PACRG: variants seen among roughly 807,000 people sequenced by gnomAD.
PACRG encodes parkin coregulated, also known as parkin coregulated gene protein.
PACRG carries 29 observed loss-of-function variants against 29.7 expected under a neutral mutation model. The ratio of observed to expected loss-of-function variants is 0.98; its 90% CI spans 0.73 to 1.33. PACRG has a LOEUF of 1.33. Ranked by LOEUF, PACRG falls within the 40% of genes most tolerant of loss-of-function variation. PACRG has a pLI of 0.00. For synonymous variants in PACRG, 116 were observed against 118.7 expected, an observed-to-expected ratio of 0.98 and a Z score of 0.15; for missense variants, 279 against 316.2, an observed-to-expected ratio of 0.88 and a Z score of 0.89.
intron 1 of PACRG, among the ~76,000 whole-genome samples, chr6:162,729,309 A>T (rs190023526): frequency 3.4e-4 from 52 of 152,300 alleles, no homozygotes; most frequent in African/African-American, 1.2e-3. Context: ...TTACATGGCA[A>T]TTCATTATGT....
At chr6:163,087,073 C>T (rs1813629614) in intron 3 of PACRG, among the ~76,000 whole-genome samples, 1 of 152,100 alleles carries the variant, frequency 6.6e-6, no homozygotes, top group African/African-American at 2.4e-5. Flanking sequence ...CCTTGAAAGA[C>T]AGGTTGGGGA....
chr6:163,311,700 CA>C (rs1335760757), intron 4 of PACRG, among the ~76,000 whole-genome samples: 2 of 152,154 alleles, frequency 1.3e-5, no homozygotes, highest in African/African-American at 4.8e-5. Context: ...ATTCCAACTC[CA>C]ACTCACTTTT....
At position 162,882,723 on chromosome 6, in the gene PACRG, A is replaced by G. The variant is rs568549750; in HGVS notation, c.291+68442A>G. Among the ~76,000 whole-genome samples, 6 of 152,214 alleles carry G rather than the reference A, an allele frequency of 3.9e-5. No individual in the cohort carries two copies. The South Asian group carries it at 1.2e-3, about 32-fold the overall frequency. On this transcript the variant is annotated intron_variant, in intron 2 of 4. Transcript: ENST00000366888. ...CCAGGGCCTTGTCCAGGTCATTTCT[A>G]TGCATCCCCCAACTCCATCCCACCA...
At chr6:163,016,401 A>C (rs1806111278) in intron 2 of PACRG, among the ~76,000 whole-genome samples, 1 of 152,182 alleles carries the variant, frequency 6.6e-6, no homozygotes, top group African/African-American at 2.4e-5. Context: ...AGATTAAGAA[A>C]TCACTGAGGA....
chr6:163,207,148 G>A (rs527908283), intron 4 of PACRG, among the ~76,000 whole-genome samples: 9 of 152,206 alleles, frequency 5.9e-5, no homozygotes, highest in African/African-American at 1.2e-4. Flanking sequence ...GATTTCAGTC[G>A]CAGAACACAC....
chr6:162,776,474 G>A (rs1228505384), intron 1 of PACRG, among the ~76,000 whole-genome samples: 1 of 152,142 alleles, frequency 6.6e-6, no homozygotes, highest in East Asian at 1.9e-4. Context: ...CTCAAAGCAG[G>A]GAGCAGAGCA....
At chr6:162,813,757 A>G (rs1562623060) in intron 1 of PACRG, among the ~76,000 whole-genome samples, 1 of 152,182 alleles carries the variant, frequency 6.6e-6, no homozygotes. Context: ...AGTATTCCAT[A>G]AAGTATATCA....
At chr6:163,191,674 G>C (rs766203119) in intron 4 of PACRG, 1 of 456,288 alleles carries the variant, frequency 2.2e-6, no homozygotes, top group African/African-American at 2.0e-5. Flanking sequence ...CACACTCCAC[G>C]TGGCCATCTG....
chr6:163,035,049 C>T (rs1306261090), intron 2 of PACRG, among the ~76,000 whole-genome samples: 3 of 152,192 alleles, frequency 2.0e-5, no homozygotes, highest in African/African-American at 7.2e-5. Flanking sequence ...TACTTGTAAA[C>T]TGTCATGGTG....
At chr6:162,835,647 A>G (rs573472263) in intron 2 of PACRG, among the ~76,000 whole-genome samples, 3 of 152,284 alleles carry the variant, frequency 2.0e-5, no homozygotes, top group Admixed American at 1.3e-4. Flanking sequence ...GTGAAATTCT[A>G]TCCTAAGCAG....
chr6:162,727,710 A>T (rs112850281), upstream of PACRG: 2 of 1,556,432 alleles, frequency 1.3e-6, no homozygotes, highest in Admixed American at 1.9e-5. Context: ...GAACAGGCCC[A>T]TGCGCGCAGC....
intron 2 of PACRG, among the ~76,000 whole-genome samples, chr6:162,976,887 G>A (rs1802004652): frequency 6.6e-6 from 1 of 151,716 alleles, no homozygotes. Context: ...ATGAAAGTAG[G>A]GTGCATGAAT....
intron 2 of PACRG, among the ~76,000 whole-genome samples, chr6:162,922,270 C>T (rs1250882093): frequency 6.7e-6 from 1 of 148,236 alleles, no homozygotes; most frequent in African/African-American, 2.5e-5. Flanking sequence ...TCTAGCATGC[C>T]TGTTTCTGGT....
chr6:162,812,596 T>C (rs1367288378), intron 1 of PACRG, among the ~76,000 whole-genome samples: 1 of 145,592 alleles, frequency 6.9e-6, no homozygotes, highest in East Asian at 1.9e-4. Flanking sequence ...AACATAAAAA[T>C]TTGTCAATCA....
intron 4 of PACRG, chr6:163,111,976 A>C: frequency 1.2e-6 from 1 of 832,586 alleles, no homozygotes; most frequent in Non-Finnish European, 1.4e-6. Flanking sequence ...TTTTACACCC[A>C]AATTTTATTT....
intron 2 of PACRG, among the ~76,000 whole-genome samples, chr6:162,989,267 G>A (rs1485899549): frequency 6.6e-6 from 1 of 152,172 alleles, no homozygotes; most frequent in Admixed American, 6.5e-5. Flanking sequence ...GAGAAACAGG[G>A]TCAGAAGAGG....
rs192030239 is a variant in PACRG, at chr6:162,806,353, C to G, written c.157-7794C>G. 8.2e-4 allele frequency among the ~76,000 whole-genome samples: 124 copies of G among 151,710 alleles called. No homozygotes were observed. In the East Asian group the frequency reaches 0.011, roughly 14 times the overall value. On this transcript the variant is annotated intron_variant, in intron 1 of 4. Transcript: ENST00000366888. ...GAACTCCTGACCTCAGGTGATCCAC[C>G]CCCACCTCAGGCTTCCAAAGTGCTG...
In PACRG at chr6:162,806,878, G is replaced by A. The variant is rs772896389; in HGVS notation, c.157-7269G>A. ...TATCCTCAGTAGCTTTAGCAGCCCA[G>A]TGTCCTCTTCCAATAGAAGGCTGTT... On this transcript the variant is annotated intron_variant, in intron 1 of 4. Transcript: ENST00000366888. Among the ~76,000 whole-genome samples, 8 of 152,258 alleles carry A rather than the reference G, an allele frequency of 5.3e-5. No homozygotes were observed. The South Asian group carries it at 1.2e-3, about 24-fold the overall frequency.
At chr6:162,983,781 A>G (rs4544886) in intron 2 of PACRG, among the ~76,000 whole-genome samples, 75,409 of 151,732 alleles carry the variant, frequency 0.5, 20,045 homozygotes, top group East Asian at 0.73. Context: ...ATGACTGTGT[A>G]CCTAGGTGAC....
Sources: gnomAD v4.1 joint callset for allele counts (sites outside exome capture counted in the v4.1 genomes callset) on GRCh38, gnomAD v4.1.1 for gene constraint, MANE v1.5 for transcripts, NCBI Gene and HGNC (gene_info 2026-07-23, HGNC 2026-07-21) for gene names.